OTP: variants seen among roughly 807,000 people sequenced by gnomAD.
The protein encoded by OTP is homeobox protein orthopedia.
In OTP, 5 loss-of-function variants were observed where a neutral mutation model predicts 22.3. That is an observed-to-expected ratio of 0.22 (90% CI 0.12 to 0.47). The LOEUF is 0.47. Among genes scored for constraint, OTP ranks in the 20% least tolerant of loss-of-function variants. The pLI, the probability that OTP is intolerant of heterozygous loss-of-function variation, is 0.99. For synonymous variants in OTP, 229 were observed against 210.6 expected, an observed-to-expected ratio of 1.09 and a Z score of -0.76; for missense variants, 428 against 456.2, an observed-to-expected ratio of 0.94 and a Z score of 0.56.
intron 2 of OTP, among the ~76,000 whole-genome samples, chr5:77,634,449 G>A (rs944155751): frequency 2.0e-4 from 30 of 152,272 alleles, no homozygotes; most frequent in South Asian, 4.1e-4. Context: ...TAAAAAATAA[G>A]TATATTGGAT....
intron 1 of OTP, among the ~76,000 whole-genome samples, chr5:77,637,984 G>T (rs558875337): frequency 6.6e-6 from 1 of 152,186 alleles, no homozygotes; most frequent in Non-Finnish European, 1.5e-5. Flanking sequence ...GCAGAAGAGG[G>T]GGGGATGACT....
chr5:77,631,940 A>C (rs1198586850), intron 2 of OTP, among the ~76,000 whole-genome samples: 1 of 152,170 alleles, frequency 6.6e-6, no homozygotes, highest in Non-Finnish European at 1.5e-5. Context: ...CCCCCATTTC[A>C]TTTATAAACT....
At position 77,630,214 on chromosome 5, in the gene OTP, G is replaced by A; in HGVS notation, c.*50C>T. The A allele has an allele frequency of 7.6e-7, 1 of 1,311,176 alleles. No individual in the cohort carries two copies. Among genetic ancestry groups the A allele is most frequent in the Non-Finnish European group, 9.9e-7 (1 of 1,014,004 alleles). 81.2% of individuals were successfully genotyped at this position (1,311,176 alleles called of 1,614,324 possible). A position where few individuals can be genotyped will look rare whatever the true frequency, so the allele number is the denominator to read the frequency against. ...GGGTGCGCGCCGGAAGGGCCTCGGG[G>A]CGGCCCCCGGGGCGGTGCTGGGGGC... On this transcript the variant is annotated 3_prime_UTR_variant, in exon 3 of 3. Transcript: ENST00000306422.
At position 77,628,976 on chromosome 5, in the gene OTP, G is replaced by C. The variant is rs1744875854; in HGVS notation, c.*1288C>G. 1 of 152,646 alleles carries C rather than the reference G, an allele frequency of 6.6e-6. No individual in the cohort carries two copies. Among genetic ancestry groups the C allele is most frequent in the Non-Finnish European group, 1.5e-5 (1 of 68,036 alleles). The allele number at this position is 152,646 out of a possible 1,614,324, so 9.5% of individuals were successfully genotyped here. A position where few individuals can be genotyped will look rare whatever the true frequency, so the allele number is the denominator to read the frequency against. On this transcript the variant is annotated 3_prime_UTR_variant, in exon 3 of 3. Transcript: ENST00000306422. ...TGTTCTCTGGGTTTGGATTTGACCA[G>C]CACATGCAGAAAGAGCTGATTGTGT...
intron 2 of OTP, among the ~76,000 whole-genome samples, chr5:77,632,825 T>G (rs1744951446): frequency 1.3e-5 from 2 of 152,050 alleles, no homozygotes; most frequent in Non-Finnish European, 2.9e-5. Flanking sequence ...GCAACAGGGC[T>G]CTAGATGGTG....
chr5:77,634,259 A>G (rs1245174819), intron 2 of OTP, among the ~76,000 whole-genome samples: 3 of 152,224 alleles, frequency 2.0e-5, no homozygotes, highest in Non-Finnish European at 4.4e-5. Flanking sequence ...TTGCTGCTTA[A>G]TAAGCCATTC....
chr5:77,637,019 C>A lies in OTP; in HGVS notation c.249G>T (p.Gln83His). ...GGTTCGGGCCGCCCTGGGGCCCGGGCTGCTTGTCCGGGTCTTTGGCGCTCA... is the reference window on the plus strand; with the variant it reads ...GGTTCGGGCCGCCCTGGGGCCCGGGATGCTTGTCCGGGTCTTTGGCGCTCA... Reference protein sequence around the residue: ...LAVSAKDPDKQPGPQGGPNPS... With the variant: ...LAVSAKDPDKHPGPQGGPNPS... Residue 83 changes from glutamine (Q) to histidine (H), a missense_variant, in exon 2 of 3, where the codon CAG becomes CAT. Physicochemically the swap from Gln to His is conservative, Grantham distance 24. Around this residue, in one of 3 missense-constraint regions of OTP, gnomAD observed 176 missense variants for 162.9 expected, o/e 1.08. Coordinates refer to ENST00000306422, the MANE Select transcript of OTP (RefSeq NM_032109.3). 6.2e-7 allele frequency: 1 copy of A among 1,613,050 alleles called. No homozygotes were observed. The highest frequency in any genetic ancestry group is 1.7e-4 in the Middle Eastern group (1 of 6,052).
At position 77,638,688 on chromosome 5, in the gene OTP, A is replaced by T. The variant is rs1745050465; in HGVS notation, c.-139T>A. 1.3e-6 allele frequency: 1 copy of T among 757,486 alleles called. No individual in the cohort carries two copies. Among genetic ancestry groups the T allele is most frequent in the East Asian group, 3.2e-5 (1 of 31,390 alleles). 46.9% of individuals were successfully genotyped at this position (757,486 alleles called of 1,614,324 possible). On this transcript the variant is annotated 5_prime_UTR_variant, in exon 1 of 3. The change creates a premature stop within an existing upstream ORF in the 5' untranslated region. Transcript: ENST00000306422. ...ATGAAAGAAAATTCGGTTTGTGGTT[A>T]AAAAGGGGGCTTCTTGCATTATAAT... is the stretch of plus-strand genomic sequence containing the variant.
chr5:77,636,134 A>G (rs545263007), intron 2 of OTP: 1 of 152,220 alleles, frequency 6.6e-6, no homozygotes, highest in South Asian at 2.1e-4. Context: ...GAAAGCCTTC[A>G]TTTCCCCTCC....
Position 77,630,508 on chromosome 5 carries a change from G to A in OTP, c.734C>T (p.Pro245Leu). Residue 245 changes from proline (P) to leucine (L), a missense_variant, in exon 3 of 3, where the codon CCG becomes CTG. Transcript: ENST00000306422. ...SLSQCSLAAG[P>L]PPNSMGLSNS... is the part of the protein sequence containing the mutation. Reference sequence around the variant, plus strand: ...GGACAGGCCCATGGAGTTGGGCGGCGGACCGGCCGCCAGGCTGCACTGGGA... The same window carrying A: ...GGACAGGCCCATGGAGTTGGGCGGCAGACCGGCCGCCAGGCTGCACTGGGA... 2 of 1,591,936 alleles carry A rather than the reference G, an allele frequency of 1.3e-6. No individual in the cohort carries two copies. The highest frequency in any genetic ancestry group is 8.5e-7 in the Non-Finnish European group (1 of 1,171,634).
rs551145180 is a variant in OTP, at chr5:77,631,454, ACT to A, written c.448-662_448-661del. On this transcript the variant is annotated intron_variant, in intron 2 of 2. Coordinates refer to ENST00000306422, the MANE Select transcript of OTP (RefSeq NM_032109.3). ...CATATTGCTTCGTGCTACTGCCACA[ACT>A]CTCCGTGCCTCATTCCCAAACCACT... Among the ~76,000 whole-genome samples, 24 of 148,050 alleles carry A rather than the reference ACT, an allele frequency of 1.6e-4. No individual in the cohort carries two copies. The South Asian group carries it at 4.5e-3, about 28-fold the overall frequency.
intron 2 of OTP, among the ~76,000 whole-genome samples, chr5:77,632,439 C>T (rs1379492625): frequency 1.3e-5 from 2 of 152,112 alleles, no homozygotes; most frequent in African/African-American, 4.8e-5. Flanking sequence ...ACCACGATAT[C>T]CGTGGAAAAA....
At chr5:77,633,867 C>G (rs1002671467) in intron 2 of OTP, among the ~76,000 whole-genome samples, 4 of 152,136 alleles carry the variant, frequency 2.6e-5, no homozygotes, top group African/African-American at 7.2e-5. Context: ...ATCTGGGGAG[C>G]TGTATTAAAG....
intron 2 of OTP, among the ~76,000 whole-genome samples, chr5:77,633,971 T>G (rs1227871122): frequency 6.6e-6 from 1 of 152,120 alleles, no homozygotes; most frequent in Non-Finnish European, 1.5e-5. Context: ...AAAATGCAAT[T>G]TCTCATTCCA....
intron 1 of OTP, among the ~76,000 whole-genome samples, chr5:77,637,595 G>T (rs1451375739): frequency 6.6e-6 from 1 of 152,150 alleles, no homozygotes; most frequent in African/African-American, 2.4e-5. Context: ...GGGGTGCGGG[G>T]GGCAGAAAGA....
In OTP at chr5:77,637,176, A is replaced by C. The variant is rs1445163558; in HGVS notation, c.92T>G (p.Leu31Arg). The C allele has an allele frequency of 3.2e-6, 5 of 1,566,726 alleles. No homozygotes were observed. The highest frequency in any genetic ancestry group is 4.3e-6 in the Non-Finnish European group (5 of 1,156,816). ...CCCGGGGTCGGAGCCCCCCACGCCCAGCCTACACTTCACCGCCTCCCGGTG... is the reference window on the plus strand; with the variant it reads ...CCCGGGGTCGGAGCCCCCCACGCCCCGCCTACACTTCACCGCCTCCCGGTG... ...LGHREAVKCR[L>R]GVGGSDPGGH... Residue 31 changes from leucine to arginine, a missense_variant, in exon 2 of 3, where the codon CTG (leucine) becomes CGG (arginine). Around this residue, in one of 3 missense-constraint regions of OTP, gnomAD observed 176 missense variants for 162.9 expected, o/e 1.08. Coordinates refer to ENST00000306422, the MANE Select transcript of OTP (RefSeq NM_032109.3).
In OTP at chr5:77,630,318, G is replaced by A. The variant is rs1744906161; in HGVS notation, c.924C>T (p.Ile308=). The change falls in exon 3 of 3, where the codon ATC becomes ATT. Residue 308 remains isoleucine, a synonymous_variant. Transcript: ENST00000306422. The stretch of plus-strand genomic sequence containing the variant: ...CTAGCGCCTTGCGGCGGAGGGAGGC[G>A]ATGCTGGTGCCCCGCCACACGTCGC... The part of the protein sequence containing the change: ...DSSDVWRGTS[I]ASLRRKALEH... 2 of 1,566,108 alleles carry A rather than the reference G, an allele frequency of 1.3e-6. No individual in the cohort carries two copies. Among genetic ancestry groups the A allele is most frequent in the Non-Finnish European group, 8.6e-7 (1 of 1,159,372 alleles).
chr5:77,638,297 CA>C (rs1254712047), intron 1 of OTP, among the ~76,000 whole-genome samples: 1 of 141,458 alleles, frequency 7.1e-6, no homozygotes, highest in Non-Finnish European at 1.5e-5. Flanking sequence ...ATAAGAAAAA[CA>C]AAAAGTAACA....
Position 77,637,157 on chromosome 5 carries a change from G to A in OTP, c.111C>T (p.Asp37=). 1 of 1,585,418 alleles carries A rather than the reference G, an allele frequency of 6.3e-7. No homozygotes were observed. ...VKCRLGVGGS[D]PGGHPGDLAP... The stretch of plus-strand genomic sequence containing the variant: ...CCAGGTCCCCCGGATGGCCCCCGGG[G>A]TCGGAGCCCCCCACGCCCAGCCTAC... Residue 37 remains aspartate, a synonymous_variant, in exon 2 of 3, where the codon GAC becomes GAT. Coordinates refer to ENST00000306422, the MANE Select transcript of OTP (RefSeq NM_032109.3).
Sources: gnomAD v4.1 joint callset for allele counts (sites outside exome capture counted in the v4.1 genomes callset) on GRCh38, gnomAD v4.1.1 for gene constraint, gnomAD v4.1.1 regional missense constraint, MANE v1.5 for transcripts, NCBI Gene and HGNC (gene_info 2026-07-23, HGNC 2026-07-21) for gene names.